Variants in ROBO1 observed in about 807,000 individuals in gnomAD.
ROBO1 encodes the protein roundabout homolog 1.
Under a neutral mutation model 195.9 loss-of-function variants are expected in ROBO1, and 149 were observed. That is an observed-to-expected ratio of 0.76 (90% confidence interval 0.67 to 0.87). The LOEUF (loss-of-function observed/expected upper bound fraction) is 0.87. Among genes scored for constraint, ROBO1 ranks in the 40% least tolerant of loss-of-function variants. The pLI is 0.00. For synonymous variants in ROBO1, 816 were observed against 733.2 expected (o/e 1.11, Z -1.82); for missense variants, 1,933 against 2,068.3 (o/e 0.93, Z 1.27).
chr3:79,520,588 A>G (rs1941167402), intron 2 of ROBO1, among the ~76,000 whole-genome samples: 1 of 152,208 alleles, frequency 6.6e-6, no homozygotes, highest in Non-Finnish European at 1.5e-5. Flanking sequence ...TAGTTTATGA[A>G]TAAGACATAT....
At chr3:79,464,594 A>T (rs1937847525) in intron 2 of ROBO1, among the ~76,000 whole-genome samples, 1 of 152,174 alleles carries the variant, frequency 6.6e-6, no homozygotes, top group African/African-American at 2.4e-5. Flanking sequence ...TTGTGCATTT[A>T]AAAAATTTAT....
At chr3:79,428,915 G>A (rs1221924071) in intron 2 of ROBO1, among the ~76,000 whole-genome samples, 1 of 152,020 alleles carries the variant, frequency 6.6e-6, no homozygotes, top group East Asian at 1.9e-4. Flanking sequence ...TGATGTTTTA[G>A]AAAAGGCCAA....
At chr3:78,760,661 A>G (rs2083076093) in intron 4 of ROBO1, among the ~76,000 whole-genome samples, 1 of 152,064 alleles carries the variant, frequency 6.6e-6, no homozygotes, top group South Asian at 2.1e-4. Flanking sequence ...TGCTGTTTTG[A>G]GTCAGGGTCT....
intron 1 of ROBO1, among the ~76,000 whole-genome samples, chr3:79,760,264 A>AAAAAAAAAAAAAAAC (rs1704623068): frequency 6.8e-6 from 1 of 146,390 alleles, no homozygotes; most frequent in Non-Finnish European, 1.5e-5. Flanking sequence ...AAAAAAAAAA[A>AAAAAAAAAAAAAAAC]AAAAAAAGCA....
At chr3:79,524,671 T>C (rs1317459473) in intron 2 of ROBO1, among the ~76,000 whole-genome samples, 4 of 152,122 alleles carry the variant, frequency 2.6e-5, no homozygotes, top group African/African-American at 7.2e-5. Flanking sequence ...AAGTAAACCA[T>C]ATTTAAATGA....
rs143363867 is a variant in ROBO1, at chr3:79,422,682, C to T, written c.88+167142G>A. 5.3e-5 allele frequency among the ~76,000 whole-genome samples: 8 copies of T among 152,136 alleles called. No individual in the cohort carries two copies. In the East Asian group the frequency reaches 1.5e-3, roughly 29 times the overall value. On this transcript the variant is annotated intron_variant, in intron 2 of 30. Coordinates refer to ENST00000464233, the MANE Select transcript of ROBO1 (RefSeq NM_002941.4). ...GGCTTTGTTTAATTCCAAATGCATT[C>T]CTATGCTGGAATTGCAATTTACTTG... is the stretch of plus-strand genomic sequence containing the variant.
chr3:79,506,591 T>C (rs1156457043), intron 2 of ROBO1, among the ~76,000 whole-genome samples: 3 of 151,940 alleles, frequency 2.0e-5, no homozygotes, highest in African/African-American at 4.8e-5. Flanking sequence ...ACTACAGGCA[T>C]GCACCACCAC....
At chr3:79,438,306 A>C (rs1247978659) in intron 2 of ROBO1, among the ~76,000 whole-genome samples, 1 of 151,944 alleles carries the variant, frequency 6.6e-6, no homozygotes, top group Non-Finnish European at 1.5e-5. Context: ...GCCAACCAAA[A>C]TGTCTACTCC....
At chr3:78,746,706 C>A in intron 5 of ROBO1, 37 bp downstream of exon 5, 16 of 1,396,838 alleles carry the variant, frequency 1.1e-5, no homozygotes, top group Non-Finnish European at 1.5e-5. Flanking sequence ...CACAGTTAGA[C>A]CAACAAATGT....
intron 2 of ROBO1, among the ~76,000 whole-genome samples, chr3:79,289,373 T>C (rs2032094759): frequency 6.6e-6 from 1 of 152,142 alleles, no homozygotes; most frequent in Non-Finnish European, 1.5e-5. Flanking sequence ...GTGGGGGTTT[T>C]ATGTGTGAGA....
At chr3:78,701,517 T>C (rs1023811341) in intron 8 of ROBO1, among the ~76,000 whole-genome samples, 9 of 152,188 alleles carry the variant, frequency 5.9e-5, no homozygotes, top group African/African-American at 1.7e-4. Context: ...AGTTATATGA[T>C]TTAATGTTTA....
At chr3:78,792,849 C>T (rs896222712) in intron 4 of ROBO1, among the ~76,000 whole-genome samples, 1 of 152,070 alleles carries the variant, frequency 6.6e-6, no homozygotes, top group Non-Finnish European at 1.5e-5. Flanking sequence ...CCTGTAATCA[C>T]AGCACTTTGG....
Position 79,107,133 on chromosome 3 carries a change from A to C in ROBO1, c.172+18323T>G, listed in dbSNP as rs532664474. Among the ~76,000 whole-genome samples, 231 of 144,660 alleles carry C rather than the reference A, an allele frequency of 1.6e-3. 2 individuals are homozygous for C. Among genetic ancestry groups the C allele is most frequent in the African/African-American group, 5.7e-3 (209 of 36,596 alleles). The allele number at this position is 144,660 out of a possible 152,430, so 94.9% of individuals were successfully genotyped here. ...CTCTCTCTCTCTCTCTCTCTCACAC[A>C]CACACACACACACACACACACACAC... is the stretch of plus-strand genomic sequence containing the variant. On this transcript the variant is annotated intron_variant, in intron 3 of 30. Coordinates refer to ENST00000464233, the MANE Select transcript of ROBO1 (RefSeq NM_002941.4).
chr3:79,674,827 C>CGT (rs151094387), intron 1 of ROBO1, among the ~76,000 whole-genome samples: 5,459 of 61,822 alleles, frequency 0.088, 119 homozygotes, highest in Middle Eastern at 0.13. Flanking sequence ...TATTTATATC[C>CGT]GTGTGTGTGT....
chr3:79,729,115 G>A (rs571602230), intron 1 of ROBO1, among the ~76,000 whole-genome samples: 10 of 152,230 alleles, frequency 6.6e-5, no homozygotes, highest in African/African-American at 2.4e-4. Context: ...GCCATGTAAT[G>A]TTCCTTGGTT....
At chr3:79,302,275 C>T (rs1404196906) in intron 2 of ROBO1, among the ~76,000 whole-genome samples, 2 of 152,126 alleles carry the variant, frequency 1.3e-5, no homozygotes, top group Non-Finnish European at 2.9e-5. Context: ...GTCAAAGTAA[C>T]GTGGTGAGAA....
intron 2 of ROBO1, among the ~76,000 whole-genome samples, chr3:79,477,050 A>G (rs1016301962): frequency 9.2e-5 from 14 of 152,146 alleles, no homozygotes; most frequent in African/African-American, 3.4e-4. Flanking sequence ...TCAAATTTCC[A>G]TGATATTTTG....
At chr3:79,586,100 A>G (rs1312715486) in intron 2 of ROBO1, among the ~76,000 whole-genome samples, 1 of 151,996 alleles carries the variant, frequency 6.6e-6, no homozygotes, top group African/African-American at 2.4e-5. Context: ...ATTTACTTTC[A>G]ATTTGTTTTC....
intron 2 of ROBO1, among the ~76,000 whole-genome samples, chr3:79,537,048 A>G (rs1317250266): frequency 2.8e-5 from 4 of 142,350 alleles, no homozygotes; most frequent in African/African-American, 1.0e-4. Flanking sequence ...TTTTTTTTTA[A>G]GAGGAAAACC....
Sources: gnomAD v4.1 joint callset for allele counts (sites outside exome capture counted in the v4.1 genomes callset) on GRCh38, gnomAD v4.1.1 for gene constraint, MANE v1.5 for transcripts, NCBI Gene and HGNC (gene_info 2026-07-23, HGNC 2026-07-21) for gene names.